The following GPC6 variants were observed in gnomAD, a reference collection of about 807,000 sequenced individuals.
GPC6 encodes the protein glypican-6.
GPC6 carries 14 observed loss-of-function variants against 55.2 expected under a neutral mutation model. The observed-to-expected ratio is 0.25, with a 90% CI of 0.17 to 0.40. GPC6 has a LOEUF of 0.40. Among genes scored for constraint, GPC6 ranks in the 10% least tolerant of loss-of-function variants. The pLI, the probability that GPC6 is intolerant of heterozygous loss-of-function variation, is 1.00. For missense variants in GPC6, 641 were observed against 708.5 expected, an observed-to-expected ratio of 0.90 and a Z score of 1.08; for synonymous variants, 278 against 259.6, an observed-to-expected ratio of 1.07 and a Z score of -0.68.
At position 94,266,388 on chromosome 13, in the gene GPC6, T is replaced by C. The variant is rs554550303; in HGVS notation, c.878-19961T>C. ...TTTCACTGTGTTAGCCAGGATGGTC[T>C]CGATCTCCTGACCTCGTGATCCGCC... On this transcript the variant is annotated intron_variant, in intron 4 of 8. Transcript: ENST00000377047. 7.9e-3 allele frequency among the ~76,000 whole-genome samples: 1,202 copies of C among 152,284 alleles called. 23 individuals are homozygous for C. Among genetic ancestry groups the C allele is most frequent in the African/African-American group, 0.027 (1,109 of 41,566 alleles).
intron 1 of GPC6, among the ~76,000 whole-genome samples, chr13:93,359,732 CAG>C (rs1293840692): frequency 1.3e-5 from 2 of 152,088 alleles, no homozygotes; most frequent in Non-Finnish European, 2.9e-5. Context: ...AAGTCTGAGA[CAG>C]AGGTTATTGG....
chr13:93,999,169 A>G (rs1881688503), intron 3 of GPC6, among the ~76,000 whole-genome samples: 1 of 152,034 alleles, frequency 6.6e-6, no homozygotes, highest in Non-Finnish European at 1.5e-5. Flanking sequence ...TCCAAATGCT[A>G]TCCCTCCCCT....
intron 1 of GPC6, among the ~76,000 whole-genome samples, chr13:93,263,410 G>C (rs540118322): frequency 6.6e-6 from 1 of 152,120 alleles, no homozygotes; most frequent in South Asian, 2.1e-4. Context: ...TGTCACCCAG[G>C]CTAGAGTGCA....
chr13:93,742,008 A>G (rs1884220874), intron 2 of GPC6, among the ~76,000 whole-genome samples: 1 of 152,224 alleles, frequency 6.6e-6, no homozygotes, highest in South Asian at 2.1e-4. Flanking sequence ...ACAAATGTAG[A>G]ATTGTCTTGA....
chr13:93,908,081 A>C (rs1011513712), intron 3 of GPC6, among the ~76,000 whole-genome samples: 2 of 152,210 alleles, frequency 1.3e-5, no homozygotes, highest in Non-Finnish European at 2.9e-5. Context: ...TAAATTAAAA[A>C]AGGAGAGAGA....
At chr13:93,514,479 T>C (rs961809993) in intron 1 of GPC6, among the ~76,000 whole-genome samples, 4 of 152,216 alleles carry the variant, frequency 2.6e-5, no homozygotes, top group Non-Finnish European at 4.4e-5. Context: ...AGAAGCTCCT[T>C]GGAACAGATA....
At chr13:93,251,178 G>A (rs777553111) in intron 1 of GPC6, among the ~76,000 whole-genome samples, 18 of 152,116 alleles carry the variant, frequency 1.2e-4, no homozygotes, top group South Asian at 2.1e-4. Context: ...TAGCCAAGCC[G>A]TATCACTGGG....
chr13:93,982,762 C>T (rs544938131), intron 3 of GPC6, among the ~76,000 whole-genome samples: 7 of 152,088 alleles, frequency 4.6e-5, no homozygotes, highest in East Asian at 1.9e-4. Context: ...CTAGTTTTTC[C>T]GTCAGCATCA....
chr13:93,277,973 C>T (rs899264544), intron 1 of GPC6, among the ~76,000 whole-genome samples: 1 of 151,988 alleles, frequency 6.6e-6, no homozygotes, highest in Non-Finnish European at 1.5e-5. Context: ...ATATTATATC[C>T]CAGTGAATTA....
rs117612332 is a variant in GPC6, at chr13:93,912,465, C to T, written c.711+81920C>T. Among the ~76,000 whole-genome samples the T allele has an allele frequency of 5.3e-3, 814 of 152,216 alleles. 5 individuals are homozygous for T. Among genetic ancestry groups the T allele is most frequent in the Middle Eastern group, 0.017 (5 of 292 alleles). On this transcript the variant is annotated intron_variant, in intron 3 of 8. Transcript: ENST00000377047. ...TGGCTCAAAACAAGACAAATTCGGC[C>T]GGGTGCAGTGGCTCACGCCTGTAAT...
intron 1 of GPC6, among the ~76,000 whole-genome samples, chr13:93,446,970 G>A (rs978114794): frequency 5.7e-4 from 86 of 151,922 alleles, no homozygotes; most frequent in African/African-American, 1.9e-3. Context: ...TTTTGGGGGG[G>A]TGGGTGGTGG....
intron 2 of GPC6, among the ~76,000 whole-genome samples, chr13:93,825,029 A>T (rs377648612): frequency 2.0e-5 from 3 of 152,142 alleles, no homozygotes; most frequent in East Asian, 1.9e-4. Context: ...CAAACAAATC[A>T]TGGGGTTGAT....
At chr13:93,453,044 C>T (rs1006803735) in intron 1 of GPC6, among the ~76,000 whole-genome samples, 2 of 152,170 alleles carry the variant, frequency 1.3e-5, no homozygotes, top group African/African-American at 4.8e-5. Flanking sequence ...TTGAGTGATT[C>T]TTAAATGATA....
At chr13:93,251,620 C>T (rs2139029019) in intron 1 of GPC6, among the ~76,000 whole-genome samples, 1 of 152,226 alleles carries the variant, frequency 6.6e-6, no homozygotes, top group Non-Finnish European at 1.5e-5. Context: ...AGTTTTCTTA[C>T]CTTTTCAACT....
intron 1 of GPC6, among the ~76,000 whole-genome samples, chr13:93,458,679 C>G (rs1878563699): frequency 1.3e-5 from 2 of 152,114 alleles, no homozygotes; most frequent in South Asian, 4.1e-4. Context: ...GTAAATATTT[C>G]TAATGTTTCC....
chr13:94,183,648 CCA>C (rs1889072468), intron 4 of GPC6, among the ~76,000 whole-genome samples: 1 of 152,172 alleles, frequency 6.6e-6, no homozygotes, highest in South Asian at 2.1e-4. Context: ...AAACAGTTTT[CCA>C]CAGTGACTGT....
At chr13:93,417,717 A>G (rs975277394) in intron 1 of GPC6, among the ~76,000 whole-genome samples, 3 of 151,106 alleles carry the variant, frequency 2.0e-5, no homozygotes, top group Non-Finnish European at 3.0e-5. Flanking sequence ...TGTTGTACAC[A>G]TGTTTTTAAA....
chr13:94,126,621 C>T (rs933392520), intron 4 of GPC6, among the ~76,000 whole-genome samples: 3 of 152,056 alleles, frequency 2.0e-5, no homozygotes, highest in African/African-American at 7.2e-5. Flanking sequence ...GTCATCTTCT[C>T]ATCAATTAAT....
intron 2 of GPC6, among the ~76,000 whole-genome samples, chr13:93,828,882 C>G (rs1887379333): frequency 6.6e-6 from 1 of 152,086 alleles, no homozygotes; most frequent in Admixed American, 6.6e-5. Flanking sequence ...AGTGGCTAAA[C>G]CAAGCACTTC....
Sources: gnomAD v4.1 joint callset for allele counts (sites outside exome capture counted in the v4.1 genomes callset) on GRCh38, gnomAD v4.1.1 for gene constraint, MANE v1.5 for transcripts, NCBI Gene and HGNC (gene_info 2026-07-23, HGNC 2026-07-21) for gene names.